The following TMEM232 variants were observed in gnomAD, a reference collection of about 807,000 sequenced individuals.
TMEM232 encodes transmembrane protein 232.
TMEM232 carries 80 observed loss-of-function variants against 78.8 expected under a neutral mutation model. That is an observed-to-expected ratio of 1.01 (90% CI 0.85 to 1.22). The LOEUF (loss-of-function observed/expected upper bound fraction) is 1.22. Among genes scored for constraint, TMEM232 ranks in the 50% most tolerant of loss-of-function variants. TMEM232 has a pLI of 0.00. For synonymous variants in TMEM232, 297 were observed against 254.3 expected, an observed-to-expected ratio of 1.17 and a Z score of -1.60; for missense variants, 881 against 742.2, an observed-to-expected ratio of 1.19 and a Z score of -2.17.
intron 12 of TMEM232, among the ~76,000 whole-genome samples, chr5:110,434,375 A>G (rs986804259): frequency 6.6e-6 from 1 of 151,738 alleles, no homozygotes; most frequent in Non-Finnish European, 1.5e-5. Context: ...GGAAATGAAT[A>G]AATTCCTAGA....
intron 2 of TMEM232, among the ~76,000 whole-genome samples, chr5:110,398,857 A>G (rs914970875): frequency 1.3e-5 from 2 of 152,132 alleles, no homozygotes; most frequent in Non-Finnish European, 2.9e-5. Context: ...ACTTTGTTAA[A>G]CAAAAACAAA....
At chr5:110,614,609 T>C (rs1210009508) in intron 8 of TMEM232, among the ~76,000 whole-genome samples, 1 of 152,100 alleles carries the variant, frequency 6.6e-6, no homozygotes, top group Non-Finnish European at 1.5e-5. Flanking sequence ...ACATTTACTG[T>C]TTCTGCAATC....
rs1052652674 is a variant in TMEM232 at position 110,555,304 on chromosome 5, A to G, written c.1455+13143T>C. On this transcript the variant is annotated intron_variant, in intron 11 of 13. Coordinates refer to ENST00000455884, the MANE Select transcript of TMEM232 (RefSeq NM_001039763.4). The stretch of plus-strand genomic sequence containing the variant: ...CATTTAGGAGCAGGTTGCTTAATTT[A>G]CATGTAATTGTATGGTTTTGAGAGA... 1.1e-4 allele frequency among the ~76,000 whole-genome samples: 16 copies of G among 152,282 alleles called. No individual in the cohort carries two copies. The South Asian group carries it at 2.5e-3, about 24-fold the overall frequency.
chr5:110,678,718 G>GT (rs974730391), intron 1 of TMEM232, among the ~76,000 whole-genome samples: 3 of 151,594 alleles, frequency 2.0e-5, no homozygotes, highest in Non-Finnish European at 4.4e-5. Flanking sequence ...CTGGCAACTA[G>GT]TTTTTTTACT....
intron 12 of TMEM232, among the ~76,000 whole-genome samples, chr5:110,450,720 C>A (rs1479180697): frequency 2.6e-5 from 4 of 152,130 alleles, no homozygotes; most frequent in Non-Finnish European, 1.5e-5. Context: ...ATGTACCCAC[C>A]CCCACTCCAC....
intron 11 of TMEM232, among the ~76,000 whole-genome samples, chr5:110,537,290 TA>T (rs200375046): frequency 2.8e-5 from 4 of 140,532 alleles, no homozygotes; most frequent in East Asian, 2.0e-4. Context: ...TATATATATA[TA>T]TTTTTTTTTT....
intron 11 of TMEM232, among the ~76,000 whole-genome samples, chr5:110,561,329 T>C (rs559179586): frequency 6.6e-6 from 1 of 152,164 alleles, no homozygotes; most frequent in East Asian, 1.9e-4. Flanking sequence ...AAAACTGTTC[T>C]CATTTAAAGT....
chr5:110,541,186 C>G (rs2149578987), intron 11 of TMEM232, among the ~76,000 whole-genome samples: 1 of 152,258 alleles, frequency 6.6e-6, no homozygotes, highest in South Asian at 2.1e-4. Flanking sequence ...CCATGGTTAA[C>G]AGGCTCTTCA....
At chr5:110,454,816 G>A (rs1203805122) in intron 12 of TMEM232, among the ~76,000 whole-genome samples, 1 of 136,988 alleles carries the variant, frequency 7.3e-6, no homozygotes, top group Non-Finnish European at 1.5e-5. Flanking sequence ...CCCTTAGAAG[G>A]AAAGGGAGGT....
At chr5:110,608,828 TA>T (rs1437518630) in intron 8 of TMEM232, among the ~76,000 whole-genome samples, 1 of 152,070 alleles carries the variant, frequency 6.6e-6, no homozygotes, top group Non-Finnish European at 1.5e-5. Flanking sequence ...GAAATTTTCA[TA>T]CAGCACTAGC....
At chr5:110,468,999 G>C (rs1012581132) in intron 12 of TMEM232, among the ~76,000 whole-genome samples, 1 of 152,126 alleles carries the variant, frequency 6.6e-6, no homozygotes, top group Non-Finnish European at 1.5e-5. Context: ...AAACCAGGAG[G>C]AACTTCTCTC....
intron 11 of TMEM232, among the ~76,000 whole-genome samples, chr5:110,543,876 T>C (rs1378911267): frequency 1.3e-5 from 2 of 152,352 alleles, no homozygotes; most frequent in East Asian, 3.9e-4. Context: ...AGTCGTCTTC[T>C]ATAGTTATCT....
At chr5:110,576,719 GA>G (rs1170749587) in intron 10 of TMEM232, among the ~76,000 whole-genome samples, 5 of 151,978 alleles carry the variant, frequency 3.3e-5, no homozygotes, top group Admixed American at 2.0e-4. Context: ...AGAGAACCCA[GA>G]AATAAGACCA....
intron 12 of TMEM232, among the ~76,000 whole-genome samples, chr5:110,436,965 T>A (rs540741565): frequency 6.6e-6 from 1 of 151,812 alleles, no homozygotes; most frequent in South Asian, 2.1e-4. Context: ...AACTTTAGAA[T>A]TTTTTTTCAT....
rs961295851 is a variant in TMEM232 at position 110,528,479 on chromosome 5, T to C, written c.1703+109A>G. ...AGAGGTGATCAAGCCAAAATTTGAA[T>C]TGAAGAAGAGAAACTGAGTTAAATG... On this transcript the variant is annotated intron_variant, in intron 12 of 13. Coordinates refer to ENST00000455884, the MANE Select transcript of TMEM232 (RefSeq NM_001039763.4). 45 of 1,235,300 alleles carry C rather than the reference T, an allele frequency of 3.6e-5. No individual in the cohort carries two copies. The African/African-American group carries it at 5.2e-4, about 14-fold the overall frequency. The allele number at this position is 1,235,300 out of a possible 1,614,324, so 76.5% of individuals were successfully genotyped here.
intron 2 of TMEM232, among the ~76,000 whole-genome samples, chr5:110,414,245 T>C (rs1756104920): frequency 6.6e-6 from 1 of 152,224 alleles, no homozygotes; most frequent in Non-Finnish European, 1.5e-5. Flanking sequence ...TTGCTTGTTT[T>C]ACACACACAC....
intron 12 of TMEM232, among the ~76,000 whole-genome samples, chr5:110,479,048 A>G (rs1227408256): frequency 2.0e-5 from 3 of 151,522 alleles, no homozygotes; most frequent in African/African-American, 7.3e-5. Context: ...AAATTCCTGA[A>G]AAAGTTGTTG....
At chr5:110,632,070 CA>C (rs1785202302) in intron 5 of TMEM232, among the ~76,000 whole-genome samples, 1 of 152,056 alleles carries the variant, frequency 6.6e-6, no homozygotes, top group Non-Finnish European at 1.5e-5. Flanking sequence ...TGTCCTCAAG[CA>C]AAACTTCACC....
chr5:110,682,815 T>C (rs1313255606), intron 1 of TMEM232, among the ~76,000 whole-genome samples: 1 of 152,116 alleles, frequency 6.6e-6, no homozygotes, highest in Non-Finnish European at 1.5e-5. Context: ...CCCTCCATGG[T>C]ATCTGACCCT....
Sources: gnomAD v4.1 joint callset for allele counts (sites outside exome capture counted in the v4.1 genomes callset) on GRCh38, gnomAD v4.1.1 for gene constraint, MANE v1.5 for transcripts, NCBI Gene and HGNC (gene_info 2026-07-23, HGNC 2026-07-21) for gene names.